FRS2: variants seen among roughly 807,000 people sequenced by gnomAD.
The protein encoded by FRS2 is FGFR signalling adaptor.
Under a neutral mutation model 43.9 loss-of-function variants are expected in FRS2, and 8 were observed. The observed-to-expected ratio is 0.18, with a 90% CI of 0.11 to 0.33. FRS2 has a LOEUF of 0.33. Ranked by LOEUF, FRS2 falls within the 10% of genes least tolerant of loss-of-function variation. The pLI is 1.00. For synonymous variants in FRS2, 219 were observed against 220.3 expected, an observed-to-expected ratio of 0.99 and a Z score of 0.05; for missense variants, 534 against 627.6, an observed-to-expected ratio of 0.85 and a Z score of 1.59.
intron 3 of FRS2, chr12:69,557,791 T>C (rs929443084): frequency 7.2e-5 from 11 of 152,258 alleles, no homozygotes; most frequent in African/African-American, 2.6e-4. Flanking sequence ...CCAGTGTTTC[T>C]TCCTATAGAT....
intron 1 of FRS2, among the ~76,000 whole-genome samples, chr12:69,521,498 C>T (rs1875637835): frequency 6.6e-6 from 1 of 152,184 alleles, no homozygotes; most frequent in Non-Finnish European, 1.5e-5. Context: ...AAGGGGAATG[C>T]TTCCAGCTTT....
Position 69,520,780 on chromosome 12 carries a change from T to C in FRS2, c.-260-10085T>C, listed in dbSNP as rs185405740. 1.8e-3 allele frequency among the ~76,000 whole-genome samples: 273 copies of C among 152,308 alleles called. 2 individuals carry two copies. The highest frequency in any genetic ancestry group is 6.3e-3 in the African/African-American group (264 of 41,576). ...CTTCTGTTCTATTGGTCTGTATGCCTGTTTTTGTACCAGTACCATGCTGTT... is the reference window on the plus strand; with the variant it reads ...CTTCTGTTCTATTGGTCTGTATGCCCGTTTTTGTACCAGTACCATGCTGTT... On this transcript the variant is annotated intron_variant, in intron 1 of 8. Transcript: ENST00000549921.
In FRS2 at chr12:69,578,727, T is replaced by C. The variant is rs1881353479; in HGVS notation, c.*3772T>C. On this transcript the variant is annotated 3_prime_UTR_variant, in exon 9 of 9. Transcript: ENST00000549921. ...TATAATATTGTAAGACTATTGTATGTCCTAATTTGCATTATAAATGTTTTT... is the reference window on the plus strand; with the variant it reads ...TATAATATTGTAAGACTATTGTATGCCCTAATTTGCATTATAAATGTTTTT... 6.6e-6 allele frequency: 1 copy of C among 152,658 alleles called. No homozygotes were observed. Among genetic ancestry groups the C allele is most frequent in the South Asian group, 2.1e-4 (1 of 4,828 alleles). The allele number at this position is 152,658 out of a possible 1,614,324, so 9.5% of individuals were successfully genotyped here. A position where few individuals can be genotyped will look rare whatever the true frequency, so the allele number is the denominator to read the frequency against.
intron 1 of FRS2, among the ~76,000 whole-genome samples, chr12:69,524,116 C>T (rs1224468061): frequency 6.6e-6 from 1 of 152,156 alleles, no homozygotes; most frequent in Non-Finnish European, 1.5e-5. Flanking sequence ...ATTGGGCACT[C>T]ATGGGGGCAG....
chr12:69,495,489 G>T (rs1467414464), intron 1 of FRS2, among the ~76,000 whole-genome samples: 1 of 152,082 alleles, frequency 6.6e-6, no homozygotes, highest in Non-Finnish European at 1.5e-5. Context: ...TTTCCTTGTT[G>T]TATGGATACA....
chr12:69,484,425 T>C (rs1871645522), intron 1 of FRS2, among the ~76,000 whole-genome samples: 1 of 152,240 alleles, frequency 6.6e-6, no homozygotes, highest in African/African-American at 2.4e-5. Flanking sequence ...TCCACAGTTC[T>C]GAGCTAGAGG....
chr12:69,542,342 G>C (rs943068778), intron 3 of FRS2, among the ~76,000 whole-genome samples: 5 of 152,102 alleles, frequency 3.3e-5, no homozygotes, highest in African/African-American at 1.2e-4. Context: ...TTCCACACCT[G>C]CAAATTCAAT....
intron 3 of FRS2, among the ~76,000 whole-genome samples, chr12:69,554,005 T>C (rs930232406): frequency 6.6e-6 from 1 of 152,124 alleles, no homozygotes; most frequent in Non-Finnish European, 1.5e-5. Context: ...AACCTGAGAG[T>C]AGATGTTAAG....
In FRS2 at chr12:69,575,983, G is replaced by A. The variant is rs983322012; in HGVS notation, c.*1028G>A. On this transcript the variant is annotated 3_prime_UTR_variant, in exon 9 of 9. Transcript: ENST00000549921. ...GAACTTACTGTTAGTCTGTAACAGG[G>A]TTGCCCTTGTCCAGTATTTATTTAT... 2.0e-5 allele frequency: 3 copies of A among 152,630 alleles called. No homozygotes were observed. The highest frequency in any genetic ancestry group is 4.4e-5 in the Non-Finnish European group (3 of 68,038). The allele number at this position is 152,630 out of a possible 1,614,324, so 9.5% of individuals were successfully genotyped here.
At chr12:69,502,623 C>G (rs1873560174) in intron 1 of FRS2, among the ~76,000 whole-genome samples, 2 of 152,210 alleles carry the variant, frequency 1.3e-5, no homozygotes, top group African/African-American at 4.8e-5. Flanking sequence ...CAGTATTCCG[C>G]AGAGAACAGG....
chr12:69,554,009 T>C (rs1463088920), intron 3 of FRS2, among the ~76,000 whole-genome samples: 1 of 152,166 alleles, frequency 6.6e-6, no homozygotes, highest in Non-Finnish European at 1.5e-5. Context: ...TGAGAGTAGA[T>C]GTTAAGTTCT....
At position 69,579,562 on chromosome 12, in the gene FRS2, T is replaced by G. The variant is rs1279016365; in HGVS notation, c.*4607T>G. The stretch of plus-strand genomic sequence containing the variant: ...AAATATGGTTTAATATTAGATGACT[T>G]TGGATTTTGCAATGCCTTACTGTTG... On this transcript the variant is annotated 3_prime_UTR_variant, in exon 9 of 9. Coordinates refer to ENST00000549921, the MANE Select transcript of FRS2 (RefSeq NM_001278356.2). 1 of 152,518 alleles carries G rather than the reference T, an allele frequency of 6.6e-6. No homozygotes were observed. Among genetic ancestry groups the G allele is most frequent in the Non-Finnish European group, 1.5e-5 (1 of 68,026 alleles). 9.4% of individuals were successfully genotyped at this position (152,518 alleles called of 1,614,324 possible).
chr12:69,471,539 G>C (rs1411714624), intron 1 of FRS2, among the ~76,000 whole-genome samples: 3 of 152,206 alleles, frequency 2.0e-5, no homozygotes, highest in Admixed American at 6.5e-5. Flanking sequence ...GAGATGTTTT[G>C]TTTAAACTTA....
intron 1 of FRS2, among the ~76,000 whole-genome samples, chr12:69,527,755 GCTTT>G (rs374496542): frequency 1.3e-5 from 2 of 152,150 alleles, no homozygotes; most frequent in Non-Finnish European, 2.9e-5. Context: ...AATATTACTA[GCTTT>G]CTTTCAAGTG....
intron 3 of FRS2, among the ~76,000 whole-genome samples, chr12:69,547,183 A>G (rs1878481602): frequency 6.6e-6 from 1 of 152,208 alleles, no homozygotes; most frequent in Non-Finnish European, 1.5e-5. Context: ...GAGAGAAAGT[A>G]GAATGGTTTT....
chr12:69,504,634 A>G (rs1013714043), intron 1 of FRS2, among the ~76,000 whole-genome samples: 11 of 152,222 alleles, frequency 7.2e-5, no homozygotes, highest in Non-Finnish European at 1.3e-4. Flanking sequence ...ATTTTTTCTC[A>G]TAGATTATTA....
At chr12:69,549,788 T>C (rs554934115) in intron 3 of FRS2, among the ~76,000 whole-genome samples, 1 of 152,382 alleles carries the variant, frequency 6.6e-6, no homozygotes, top group African/African-American at 2.4e-5. Flanking sequence ...TCTTACCTTA[T>C]TGATTCAACA....
intron 1 of FRS2, among the ~76,000 whole-genome samples, chr12:69,476,754 G>C (rs1211484722): frequency 3.9e-5 from 1 of 25,708 alleles, no homozygotes; most frequent in African/African-American, 3.3e-4. Flanking sequence ...GGGGAGGGAC[G>C]GGGGGGGGTG....
intron 3 of FRS2, among the ~76,000 whole-genome samples, chr12:69,552,936 AT>A (rs2135742738): frequency 6.6e-6 from 1 of 152,248 alleles, no homozygotes; most frequent in East Asian, 1.9e-4. Flanking sequence ...ATAAATGTTT[AT>A]TAAGTGGTGG....
Sources: allele counts gnomAD v4.1 joint callset (sites outside exome capture counted in the v4.1 genomes callset), GRCh38; gene constraint gnomAD v4.1.1; transcripts MANE v1.5; gene names NCBI Gene and HGNC (gene_info 2026-07-23, HGNC 2026-07-21).